KIAA0825: variants seen among roughly 807,000 people sequenced by gnomAD.
The protein encoded by KIAA0825 is KIAA0825.
In KIAA0825, 119 loss-of-function variants were observed where a neutral mutation model predicts 147.6. The ratio of observed to expected loss-of-function variants is 0.81; its 90% CI spans 0.69 to 0.94. The LOEUF (loss-of-function observed/expected upper bound fraction) is 0.94, where lower values mean the gene tolerates loss of function less well. KIAA0825 is among the 40% of genes least tolerant of loss of function. The pLI, the probability that KIAA0825 is intolerant of heterozygous loss-of-function variation, is 0.00. For synonymous variants in KIAA0825, 470 were observed against 518.1 expected, an observed-to-expected ratio of 0.91 and a Z score of 1.26; for missense variants, 1,381 against 1,472.7, an observed-to-expected ratio of 0.94 and a Z score of 1.02.
At chr5:94,449,046 C>T (rs560268851) in intron 13 of KIAA0825, among the ~76,000 whole-genome samples, 2 of 152,074 alleles carry the variant, frequency 1.3e-5, no homozygotes, top group African/African-American at 4.8e-5. Flanking sequence ...GAGAGTCCTC[C>T]TAACATAACT....
intron 20 of KIAA0825, among the ~76,000 whole-genome samples, chr5:94,343,563 C>T (rs1455769774): frequency 6.6e-6 from 1 of 152,070 alleles, no homozygotes; most frequent in Non-Finnish European, 1.5e-5. Context: ...GTGGCGGGCG[C>T]CTGTAGTCCC....
chr5:94,616,574 ATG>A lies in KIAA0825; in HGVS notation c.-153+1924_-153+1925del, dbSNP rs1790560299. 3.9e-5 allele frequency among the ~76,000 whole-genome samples: 6 copies of A among 152,110 alleles called. No homozygotes were observed. The South Asian group carries it at 1.2e-3, about 32-fold the overall frequency. On this transcript the variant is annotated intron_variant, in intron 1 of 20. Transcript: ENST00000682413. ...CACACACAAATATACATGTATACAA[ATG>A]TGTGTGTGAAAAGCTGTCTAAAGAG...
intron 20 of KIAA0825, among the ~76,000 whole-genome samples, chr5:94,235,623 A>G (rs1774998257): frequency 6.6e-6 from 1 of 152,260 alleles, no homozygotes. Context: ...AAAGTAGATG[A>G]AACAGCCTTC....
intron 20 of KIAA0825, among the ~76,000 whole-genome samples, chr5:94,325,139 T>C (rs1780557467): frequency 6.6e-6 from 1 of 152,016 alleles, no homozygotes; most frequent in African/African-American, 2.4e-5. Flanking sequence ...TTTATGTAAA[T>C]CATACAACCT....
At chr5:94,166,463 G>C (rs1377170605) in intron 20 of KIAA0825, among the ~76,000 whole-genome samples, 1 of 151,384 alleles carries the variant, frequency 6.6e-6, no homozygotes, top group East Asian at 1.9e-4. Context: ...AAGCAATCTG[G>C]GGGTAGCCTT....
chr5:94,252,455 G>A (rs1404406767), intron 20 of KIAA0825, among the ~76,000 whole-genome samples: 3 of 149,178 alleles, frequency 2.0e-5, no homozygotes, highest in African/African-American at 7.3e-5. Flanking sequence ...GTGTGGGTGT[G>A]TATATATATA....
intron 20 of KIAA0825, among the ~76,000 whole-genome samples, chr5:94,252,872 T>G (rs1776035772): frequency 6.6e-6 from 1 of 152,182 alleles, no homozygotes; most frequent in African/African-American, 2.4e-5. Context: ...AACAGACTGA[T>G]TCACCTGAAT....
intron 20 of KIAA0825, among the ~76,000 whole-genome samples, chr5:94,379,844 C>CTTTTTTTTTTTTTTTT (rs59886046): frequency 3.6e-5 from 2 of 55,724 alleles, no homozygotes; most frequent in Non-Finnish European, 6.6e-5. Flanking sequence ...GTATTTTATT[C>CTTTTTTTTTTTTTTTT]TTTTTTTTTT....
At chr5:94,454,763 GAGTC>G (rs1758872375) in intron 12 of KIAA0825, among the ~76,000 whole-genome samples, 1 of 152,164 alleles carries the variant, frequency 6.6e-6, no homozygotes, top group African/African-American at 2.4e-5. Context: ...AGGTTGGAAA[GAGTC>G]AGGCAGGAGA....
At chr5:94,160,633 T>C (rs950879451) in intron 20 of KIAA0825, among the ~76,000 whole-genome samples, 2 of 148,326 alleles carry the variant, frequency 1.3e-5, no homozygotes, top group African/African-American at 4.9e-5. Flanking sequence ...AAATATATAC[T>C]GTATGTGTGT....
chr5:94,542,529 G>A (rs1047651087), intron 2 of KIAA0825, among the ~76,000 whole-genome samples: 5 of 152,146 alleles, frequency 3.3e-5, no homozygotes, highest in African/African-American at 7.2e-5. Context: ...GTTTTCGGCC[G>A]GGCACAGTGG....
chr5:94,235,218 T>C (rs1774974447), intron 20 of KIAA0825, among the ~76,000 whole-genome samples: 1 of 152,168 alleles, frequency 6.6e-6, no homozygotes. Flanking sequence ...AGCCAGGTTG[T>C]GAATGCAAAC....
Position 94,573,282 on chromosome 5 carries a change from T to TG in KIAA0825, c.-2+9150_-2+9151insC, listed in dbSNP as rs201502130. On this transcript the variant is annotated intron_variant, in intron 2 of 20. Coordinates refer to ENST00000682413, the MANE Select transcript of KIAA0825 (RefSeq NM_001145678.3). ...GTTCTTTTTAAGTGTTTTTTTTTTT[T>TG]TTTTTTGAGAGGGAGTCTCACTCTG... Among the ~76,000 whole-genome samples the TG allele has an allele frequency of 5.8e-4, 87 of 150,438 alleles. 3 individuals are homozygous for TG. In the East Asian group the frequency reaches 0.016, roughly 27 times the overall value.
At chr5:94,236,247 T>C (rs1253091374) in intron 20 of KIAA0825, among the ~76,000 whole-genome samples, 1 of 152,220 alleles carries the variant, frequency 6.6e-6, no homozygotes, top group Non-Finnish European at 1.5e-5. Context: ...GAGGTCAAAA[T>C]ATCAACAATG....
chr5:94,614,553 G>A (rs1038811733), intron 1 of KIAA0825, among the ~76,000 whole-genome samples: 2 of 152,084 alleles, frequency 1.3e-5, no homozygotes, highest in Non-Finnish European at 2.9e-5. Context: ...CATAGCCAAA[G>A]TGACCTAGGT....
chr5:94,407,755 ATGG>A (rs1752251252), intron 15 of KIAA0825, among the ~76,000 whole-genome samples: 1 of 152,170 alleles, frequency 6.6e-6, no homozygotes, highest in African/African-American at 2.4e-5. Flanking sequence ...AATGGTGCTG[ATGG>A]TTGCACAGTT....
At chr5:94,161,819 TTTCTC>T (rs1366760535) in intron 20 of KIAA0825, among the ~76,000 whole-genome samples, 7 of 152,318 alleles carry the variant, frequency 4.6e-5, no homozygotes, top group East Asian at 1.9e-4. Flanking sequence ...TATTAACAGT[TTTCTC>T]TTATAATATG....
At chr5:94,187,663 G>T (rs1338971144) in intron 20 of KIAA0825, among the ~76,000 whole-genome samples, 4 of 151,920 alleles carry the variant, frequency 2.6e-5, no homozygotes, top group African/African-American at 9.7e-5. Flanking sequence ...CTGACCTCGC[G>T]ATCCGCCCAC....
At chr5:94,543,157 C>A (rs1773670219) in intron 2 of KIAA0825, among the ~76,000 whole-genome samples, 1 of 152,144 alleles carries the variant, frequency 6.6e-6, no homozygotes, top group South Asian at 2.1e-4. Flanking sequence ...TTAAAAAAGT[C>A]TTGAGGTCAG....
Sources: allele counts gnomAD v4.1 joint callset (sites outside exome capture counted in the v4.1 genomes callset), GRCh38; gene constraint gnomAD v4.1.1; transcripts MANE v1.5; gene names NCBI Gene and HGNC (gene_info 2026-07-23, HGNC 2026-07-21).